LIPC: variants seen among roughly 807,000 people sequenced by gnomAD.
LIPC encodes hepatic triacylglycerol lipase.
Under a neutral mutation model 50.7 loss-of-function variants are expected in LIPC, and 44 were observed. That is an observed-to-expected ratio of 0.87 (90% CI 0.68 to 1.11). LIPC has a LOEUF of 1.11. LIPC is among the 50% of genes most tolerant of loss of function. The pLI is 0.00. For missense variants in LIPC, 697 were observed against 648.2 expected, an observed-to-expected ratio of 1.08 and a Z score of -0.82; for synonymous variants, 271 against 256.4, an observed-to-expected ratio of 1.06 and a Z score of -0.54.
chr15:58,500,741 A>AC (rs1404495421), intron 1 of LIPC, among the ~76,000 whole-genome samples: 10 of 70,150 alleles, frequency 1.4e-4, no homozygotes. Context: ...TCCCCCCACC[A>AC]CCCCCCTCTC....
At chr15:58,468,210 A>G (rs754501628) in intron 1 of LIPC, among the ~76,000 whole-genome samples, 1 of 152,194 alleles carries the variant, frequency 6.6e-6, no homozygotes, top group Non-Finnish European at 1.5e-5. Context: ...CTGCACCTGC[A>G]TGAATCATGG....
chr15:58,533,257 C>T (rs1182108095), intron 1 of LIPC: 1 of 707,462 alleles, frequency 1.4e-6, no homozygotes, highest in Non-Finnish European at 1.7e-6. Flanking sequence ...ATAGCTAAAG[C>T]ATATCCTTTC....
At chr15:58,474,296 T>C (rs1352371970) in intron 1 of LIPC, among the ~76,000 whole-genome samples, 1 of 152,064 alleles carries the variant, frequency 6.6e-6, no homozygotes, top group East Asian at 1.9e-4. Flanking sequence ...GCAGGGTGAT[T>C]CACTTGAGCC....
chr15:58,527,824 G>A (rs1011260800), intron 1 of LIPC, among the ~76,000 whole-genome samples: 5 of 152,182 alleles, frequency 3.3e-5, no homozygotes, highest in East Asian at 3.8e-4. Context: ...TGGGATCAGG[G>A]TGGGCCTTCA....
chr15:58,453,227 G>C (rs1893977468), intron 1 of LIPC, among the ~76,000 whole-genome samples: 1 of 152,006 alleles, frequency 6.6e-6, no homozygotes, highest in African/African-American at 2.4e-5. Context: ...TTGCCACACA[G>C]TCCCATAAAC....
chr15:58,502,398 G>A (rs1268428835), intron 1 of LIPC, among the ~76,000 whole-genome samples: 1 of 152,178 alleles, frequency 6.6e-6, no homozygotes, highest in Non-Finnish European at 1.5e-5. Context: ...GGCACACGCA[G>A]GTGCTAGGTA....
chr15:58,506,886 G>T (rs1167734739), intron 1 of LIPC, among the ~76,000 whole-genome samples: 2 of 152,250 alleles, frequency 1.3e-5, no homozygotes, highest in Non-Finnish European at 2.9e-5. Context: ...TCACAGTTCA[G>T]CATGGCTTGG....
chr15:58,565,494 G>C, intron 8 of LIPC: 1 of 1,386,508 alleles, frequency 7.2e-7, no homozygotes, highest in Non-Finnish European at 9.3e-7. Context: ...GGTGAGCATT[G>C]AAGCAGGTGC....
At chr15:58,558,257 G>C (rs1435242380) in intron 6 of LIPC, among the ~76,000 whole-genome samples, 8 of 146,108 alleles carry the variant, frequency 5.5e-5, no homozygotes, top group African/African-American at 2.0e-4. Context: ...ATTTTTAGTA[G>C]AGACGGGGTT....
At chr15:58,479,157 T>C (rs887136635) in intron 1 of LIPC, among the ~76,000 whole-genome samples, 2 of 152,254 alleles carry the variant, frequency 1.3e-5, no homozygotes, top group Non-Finnish European at 2.9e-5. Flanking sequence ...TGCAATGTAG[T>C]TCTTCCAACT....
chr15:58,487,971 T>G (rs1891434831), intron 1 of LIPC, among the ~76,000 whole-genome samples: 1 of 152,178 alleles, frequency 6.6e-6, no homozygotes, highest in Non-Finnish European at 1.5e-5. Context: ...AGCTTCAGTT[T>G]CTTCATCAGT....
intron 1 of LIPC, among the ~76,000 whole-genome samples, chr15:58,475,492 A>C (rs1566921242): frequency 6.6e-6 from 1 of 152,038 alleles, no homozygotes; most frequent in East Asian, 1.9e-4. Flanking sequence ...TTCAACACCC[A>C]ACTCAACTAT....
Position 58,534,425 on chromosome 15 carries a change from C to T in LIPC, c.89-3908C>T, listed in dbSNP as rs113315772. Among the ~76,000 whole-genome samples, 435 of 152,240 alleles carry T rather than the reference C, an allele frequency of 2.9e-3. 5 individuals are homozygous for T. The highest frequency in any genetic ancestry group is 0.01 in the African/African-American group (422 of 41,512). On this transcript the variant is annotated intron_variant, in intron 1 of 8. Transcript: ENST00000299022. ...GGGCTTCAGGGCTCTATTCCTTCCA[C>T]CCCTAAATGTGACCTGAAGTGGCCC...
intron 6 of LIPC, among the ~76,000 whole-genome samples, chr15:58,555,292 G>A (rs557379212): frequency 1.2e-4 from 18 of 152,276 alleles, no homozygotes; most frequent in East Asian, 3.9e-4. Flanking sequence ...GGGGCCAGAC[G>A]TTTAGGGGAC....
chr15:58,447,951 A>C (rs1412034163), intron 1 of LIPC, among the ~76,000 whole-genome samples: 1 of 152,210 alleles, frequency 6.6e-6, no homozygotes. Context: ...CAGGCCTTTG[A>C]CTCAAATCCA....
rs1045080502 is a variant in LIPC, at chr15:58,484,248, C to T, written c.88+52128C>T. Among the ~76,000 whole-genome samples, 6 of 152,296 alleles carry T rather than the reference C, an allele frequency of 3.9e-5. No individual in the cohort carries two copies. The East Asian group carries it at 5.8e-4, about 15-fold the overall frequency. ...ATTGTTTATTTTCACCTCATTATTC[C>T]ATTCCTACTCCATTTGGTGATAATC... On this transcript the variant is annotated intron_variant, in intron 1 of 8. Transcript: ENST00000299022.
intron 1 of LIPC, among the ~76,000 whole-genome samples, chr15:58,434,710 A>C (rs1244327467): frequency 6.6e-6 from 1 of 152,156 alleles, no homozygotes; most frequent in African/African-American, 2.4e-5. Flanking sequence ...CATCACACTT[A>C]TGCCCAGCCC....
chr15:58,563,682 T>C lies in LIPC; in HGVS notation c.1347T>C (p.Val449=). The C allele has an allele frequency of 6.2e-7, 1 of 1,613,838 alleles. No individual in the cohort carries two copies. Among genetic ancestry groups the C allele is most frequent in the Non-Finnish European group, 8.5e-7 (1 of 1,180,030 alleles). ...CAGGGCCGCGCCACTCAGGCCTCGT[T>C]CTGAAGACGATCAGAGTCAAAGCAG... ...WSTGPRHSGL[V]LKTIRVKAGE... The change falls in exon 8 of 9, where the codon GTT becomes GTC. Residue 449 remains valine, a synonymous_variant. Coordinates refer to ENST00000299022, the MANE Select transcript of LIPC (RefSeq NM_000236.3).
intron 1 of LIPC, among the ~76,000 whole-genome samples, chr15:58,474,698 G>A (rs1189508812): frequency 1.3e-5 from 2 of 152,152 alleles, no homozygotes; most frequent in Non-Finnish European, 2.9e-5. Context: ...CAGGATCCCT[G>A]AGGGTGACAA....
Sources: allele counts gnomAD v4.1 joint callset (sites outside exome capture counted in the v4.1 genomes callset), GRCh38; gene constraint gnomAD v4.1.1; transcripts MANE v1.5; gene names NCBI Gene and HGNC (gene_info 2026-07-23, HGNC 2026-07-21).